Variants in PTPRG observed in about 807,000 individuals in gnomAD.
The protein encoded by PTPRG is receptor-type tyrosine-protein phosphatase gamma.
PTPRG carries 102 observed loss-of-function variants against 165.3 expected under a neutral mutation model. That is an observed-to-expected ratio of 0.62 (90% CI 0.53 to 0.73). The LOEUF (loss-of-function observed/expected upper bound fraction) is 0.73, where lower values mean the gene tolerates loss of function less well. Ranked by LOEUF, PTPRG falls within the 30% of genes least tolerant of loss-of-function variation. The pLI, the probability that PTPRG is intolerant of heterozygous loss-of-function variation, is 0.00. For missense variants in PTPRG, 1,866 were observed against 1,861.4 expected, an observed-to-expected ratio of 1.00 and a Z score of -0.05; for synonymous variants, 675 against 669.5, an observed-to-expected ratio of 1.01 and a Z score of -0.13.
At chr3:61,942,684 A>T (rs933099732) in intron 2 of PTPRG, among the ~76,000 whole-genome samples, 2 of 152,226 alleles carry the variant, frequency 1.3e-5, no homozygotes, top group African/African-American at 4.8e-5. Context: ...TAGCCAGAAG[A>T]GCTAAGTCTT....
intron 2 of PTPRG, among the ~76,000 whole-genome samples, chr3:61,915,886 C>G (rs1049750841): frequency 4.6e-5 from 7 of 152,216 alleles, no homozygotes; most frequent in Admixed American, 3.9e-4. Context: ...TTTAAGACAG[C>G]TTGAGTTGCA....
At chr3:61,777,650 T>C (rs1331559886) in intron 2 of PTPRG, among the ~76,000 whole-genome samples, 5 of 152,210 alleles carry the variant, frequency 3.3e-5, no homozygotes, top group African/African-American at 1.2e-4. Context: ...GGGATCATTT[T>C]CAGCCAAAAC....
At chr3:62,188,177 C>T (rs1215324496) in intron 8 of PTPRG, among the ~76,000 whole-genome samples, 1 of 152,090 alleles carries the variant, frequency 6.6e-6, no homozygotes, top group Non-Finnish European at 1.5e-5. Context: ...AGTTCAAGAC[C>T]AGCATGGGCA....
At chr3:62,196,432 CAAAAAT>C (rs1699965659) in intron 10 of PTPRG, among the ~76,000 whole-genome samples, 2 of 151,910 alleles carry the variant, frequency 1.3e-5, no homozygotes, top group Non-Finnish European at 2.9e-5. Context: ...AAAATAGATA[CAAAAAT>C]AAAAATAAAA....
chr3:61,853,507 C>T (rs990857551), intron 2 of PTPRG, among the ~76,000 whole-genome samples: 3 of 152,222 alleles, frequency 2.0e-5, no homozygotes, highest in Admixed American at 6.5e-5. Flanking sequence ...TGTGATTGAA[C>T]CACTTAGGAA....
At position 62,203,680 on chromosome 3, in the gene PTPRG, T is replaced by A. The variant is rs1352814264; in HGVS notation, c.1885T>A (p.Ser629Thr). ...GACGGAGCCCAGCCCCACACCCTCG[T>A]CTCCTAACAGGACTGCCGAGGGAGG... ...NQTEPSPTPSSPNRTAEGGHQ... is the reference protein window; with the variant it reads ...NQTEPSPTPSTPNRTAEGGHQ... Residue 629 changes from serine (S) to threonine (T), a missense_variant, in exon 12 of 30, where the codon TCT becomes ACT. Ser to Thr is a moderately conservative substitution (Grantham distance 58, BLOSUM62 1). Coordinates refer to ENST00000474889, the MANE Select transcript of PTPRG (RefSeq NM_002841.4). The surrounding 1 kb of genome is among the most constrained non-coding windows in gnomAD (Gnocchi z 6.4). 38 of 1,568,318 alleles carry A rather than the reference T, an allele frequency of 2.4e-5. No homozygotes were observed. Among genetic ancestry groups the A allele is most frequent in the Non-Finnish European group, 3.1e-5 (36 of 1,156,106 alleles).
intron 2 of PTPRG, among the ~76,000 whole-genome samples, chr3:61,933,606 C>T (rs1424822164): frequency 1.3e-5 from 2 of 152,216 alleles, no homozygotes; most frequent in Admixed American, 6.5e-5. Context: ...CCATGCTTTA[C>T]TTGGTAGCAA....
At chr3:61,904,410 T>G (rs2107527102) in intron 2 of PTPRG, among the ~76,000 whole-genome samples, 1 of 152,312 alleles carries the variant, frequency 6.6e-6, no homozygotes, top group East Asian at 1.9e-4. Flanking sequence ...TTTATGTCAT[T>G]TGACTAACCA....
At chr3:61,586,941 CAG>C (rs1700448525) in intron 1 of PTPRG, among the ~76,000 whole-genome samples, 1 of 152,120 alleles carries the variant, frequency 6.6e-6, no homozygotes, top group Non-Finnish European at 1.5e-5. Flanking sequence ...ATGTAGGACA[CAG>C]AGCAGGTGTG....
At chr3:61,983,702 G>C (rs533170051) in intron 2 of PTPRG, among the ~76,000 whole-genome samples, 1 of 152,142 alleles carries the variant, frequency 6.6e-6, no homozygotes, top group African/African-American at 2.4e-5. Flanking sequence ...TTAGACAAAA[G>C]TATGATTTCT....
At position 62,273,425 on chromosome 3, in the gene PTPRG, T is replaced by C. The variant is rs182558594; in HGVS notation, c.3319-273T>C. 6.6e-6 allele frequency among the ~76,000 whole-genome samples: 1 copy of C among 152,292 alleles called. No individual in the cohort carries two copies. The highest frequency in any genetic ancestry group is 1.9e-4 in the East Asian group (1 of 5,182). Reference sequence around the variant, plus strand: ...AAACCCTTCATTGAACACGATTTTTTGTTTGCTTATTGAGTTGAAGCAATA... The same window carrying C: ...AAACCCTTCATTGAACACGATTTTTCGTTTGCTTATTGAGTTGAAGCAATA... On this transcript the variant is annotated intron_variant, in intron 22 of 29. Transcript: ENST00000474889. The surrounding 1 kb of genome is among the most constrained non-coding windows in gnomAD (Gnocchi z 4.1).
intron 2 of PTPRG, among the ~76,000 whole-genome samples, chr3:61,873,385 C>G (rs1002030354): frequency 2.6e-5 from 4 of 152,084 alleles, no homozygotes; most frequent in Non-Finnish European, 5.9e-5. Flanking sequence ...TATCTTAAAA[C>G]ATCTGATACA....
chr3:61,833,131 C>T (rs1475247687), intron 2 of PTPRG, among the ~76,000 whole-genome samples: 2 of 150,354 alleles, frequency 1.3e-5, no homozygotes, highest in Admixed American at 6.6e-5. Context: ...GATTTATGAG[C>T]ATTACCTCGT....
intron 1 of PTPRG, chr3:61,659,190 T>C (rs1702594506): frequency 1.9e-6 from 1 of 524,990 alleles, no homozygotes; most frequent in South Asian, 8.4e-5. Flanking sequence ...TCAGACAGGA[T>C]GCTGATGGTT....
At chr3:61,918,675 CCTT>C (rs760126051) in intron 2 of PTPRG, among the ~76,000 whole-genome samples, 3 of 152,134 alleles carry the variant, frequency 2.0e-5, no homozygotes, top group Non-Finnish European at 4.4e-5. Context: ...TTCCTTTACT[CCTT>C]TAAGGTTTTG....
At position 61,840,260 on chromosome 3, in the gene PTPRG, A is replaced by G. The variant is rs138227835; in HGVS notation, c.190+91278A>G. ...AGTTTTTTGACTAAGTGTAGTTAAC[A>G]TTCTTAAGAATATTTTTTGCTAGTT... On this transcript the variant is annotated intron_variant, in intron 2 of 29. Transcript: ENST00000474889. 6.6e-4 allele frequency among the ~76,000 whole-genome samples: 101 copies of G among 152,236 alleles called. No homozygotes were observed. In the East Asian group the frequency reaches 0.018, roughly 27 times the overall value.
At chr3:62,136,439 C>T (rs1433907330) in intron 6 of PTPRG, among the ~76,000 whole-genome samples, 3 of 152,112 alleles carry the variant, frequency 2.0e-5, no homozygotes, top group African/African-American at 7.2e-5. Flanking sequence ...ATGAAGGTGT[C>T]TGTTGGTAAG....
chr3:61,757,197 G>A (rs1484420371), intron 2 of PTPRG, among the ~76,000 whole-genome samples: 1 of 151,842 alleles, frequency 6.6e-6, no homozygotes, highest in Non-Finnish European at 1.5e-5. Flanking sequence ...AGAATCCAGA[G>A]ACTACACCCA....
chr3:61,656,048 C>CG (rs201398342), intron 1 of PTPRG, among the ~76,000 whole-genome samples: 14 of 150,872 alleles, frequency 9.3e-5, no homozygotes, highest in Admixed American at 1.3e-4. Context: ...GACCCCCCCC[C>CG]CCCCGACCAT....
Sources: gnomAD v4.1 joint callset for allele counts (sites outside exome capture counted in the v4.1 genomes callset) on GRCh38, gnomAD v4.1.1 for gene constraint, Gnocchi (gnomAD v3.1) non-coding constraint, MANE v1.5 for transcripts, NCBI Gene and HGNC (gene_info 2026-07-23, HGNC 2026-07-21) for gene names.